The following ADAMTS18 variants were observed in gnomAD, a reference collection of about 807,000 sequenced individuals.
ADAMTS18 encodes the protein ADAM metallopeptidase with thrombospondin type 1 motif 18, also known as A disintegrin and metalloproteinase with thrombospondin motifs 18.
A neutral mutation model predicts 165.9 loss-of-function variants in ADAMTS18; 157 were observed. The ratio of observed to expected loss-of-function variants is 0.95; its 90% CI spans 0.83 to 1.08. ADAMTS18 has a LOEUF of 1.08. Among genes scored for constraint, ADAMTS18 ranks in the 50% least tolerant of loss-of-function variants. The pLI, the probability that ADAMTS18 is intolerant of heterozygous loss-of-function variation, is 0.00. For missense variants in ADAMTS18, 2,040 were observed against 1,534.0 expected (o/e 1.33, Z -5.51); for synonymous variants, 782 against 578.2 (o/e 1.35, Z -5.06).
intron 21 of ADAMTS18, 171 bp from the exon 22 acceptor site, chr16:77,289,582 G>C: frequency 1.4e-6 from 1 of 725,702 alleles, no homozygotes; most frequent in Non-Finnish European, 2.3e-6. Flanking sequence ...TAACAAGTGT[G>C]ATCCCTTTGA....
chr16:77,353,177 C>A (rs1489677277), intron 10 of ADAMTS18, among the ~76,000 whole-genome samples: 1 of 152,178 alleles, frequency 6.6e-6, no homozygotes, highest in African/African-American at 2.4e-5. Context: ...CCAAGTGTAA[C>A]AACGTGTCTC....
chr16:77,412,196 T>G (rs1490293667), intron 3 of ADAMTS18, among the ~76,000 whole-genome samples: 4 of 152,208 alleles, frequency 2.6e-5, no homozygotes, highest in Non-Finnish European at 1.5e-5. Flanking sequence ...TGAGCTGGGA[T>G]ATGCATCTTC....
At position 77,366,323 on chromosome 16, in the gene ADAMTS18, C is replaced by G. The variant is rs8045315; in HGVS notation, c.778+1118G>C. Among the ~76,000 whole-genome samples the G allele has an allele frequency of 9.7e-3, 1,481 of 152,208 alleles. 18 individuals are homozygous for G. The highest frequency in any genetic ancestry group is 0.034 in the African/African-American group (1,396 of 41,538). On this transcript the variant is annotated intron_variant, in intron 4 of 22. Coordinates refer to ENST00000282849, the MANE Select transcript of ADAMTS18 (RefSeq NM_199355.4). Reference sequence around the variant, plus strand: ...CCTTTAATGCTAACAATTGGGAGACCGAGGCGGGTGGATCACCTGAGGTCA... The same window carrying G: ...CCTTTAATGCTAACAATTGGGAGACGGAGGCGGGTGGATCACCTGAGGTCA...
Position 77,366,990 on chromosome 16 carries a change from A to G in ADAMTS18, c.778+451T>C, listed in dbSNP as rs2056804627. Among the ~76,000 whole-genome samples the G allele has an allele frequency of 3.9e-5, 6 of 152,194 alleles. No homozygotes were observed. The South Asian group carries it at 1.2e-3, about 31-fold the overall frequency. On this transcript the variant is annotated intron_variant, in intron 4 of 22. Transcript: ENST00000282849. ...ACATCGCTGGTCTGGAAACGGCCGA[A>G]GGTTGTAACTAAGTCACAAACCATG...
chr16:77,348,375 C>G lies in ADAMTS18; in HGVS notation c.1614+5358G>C, dbSNP rs151111015. Among the ~76,000 whole-genome samples, 30 of 152,320 alleles carry G rather than the reference C, an allele frequency of 2.0e-4. No individual in the cohort carries two copies. The East Asian group carries it at 5.6e-3, about 28-fold the overall frequency. ...CTCCACTGCATTAGACCAACTATCC[C>G]TTCACACTTGCAGGTAGAGGAGGCA... On this transcript the variant is annotated intron_variant, in intron 10 of 22. Coordinates refer to ENST00000282849, the MANE Select transcript of ADAMTS18 (RefSeq NM_199355.4).
At chr16:77,368,268 C>T (rs2056827466) in intron 3 of ADAMTS18, among the ~76,000 whole-genome samples, 1 of 152,126 alleles carries the variant, frequency 6.6e-6, no homozygotes, top group African/African-American at 2.4e-5. Flanking sequence ...GGGCTCACAA[C>T]CACTGGGCTG....
intron 12 of ADAMTS18, among the ~76,000 whole-genome samples, chr16:77,327,633 G>A (rs1286474507): frequency 6.6e-6 from 1 of 152,152 alleles, no homozygotes; most frequent in Non-Finnish European, 1.5e-5. Context: ...CTAACTGAAG[G>A]GATATTCCTG....
intron 16 of ADAMTS18, among the ~76,000 whole-genome samples, chr16:77,308,012 C>T (rs955251171): frequency 6.6e-6 from 1 of 152,100 alleles, no homozygotes; most frequent in Non-Finnish European, 1.5e-5. Context: ...TTAGATGTCT[C>T]TTCTTGCCTT....
rs763440043 is a variant in ADAMTS18, at chr16:77,295,070, G to A, written c.2859C>T (p.Ser953=). The change falls in exon 19 of 23, where the codon AGC becomes AGT. Residue 953 remains serine, a synonymous_variant. Coordinates refer to ENST00000282849, the MANE Select transcript of ADAMTS18 (RefSeq NM_199355.4). ...TCTTTTGCACACACTGGATCTTTCG[G>A]CTCTGCTGGCCTCCAGCACAGGCCT... is the stretch of plus-strand genomic sequence containing the variant. ...CSKACAGGQQ[S]RKIQCVQKKP... is the part of the protein sequence containing the mutation. The A allele has an allele frequency of 1.9e-6, 3 of 1,614,112 alleles. No individual in the cohort carries two copies. The highest frequency in any genetic ancestry group is 1.1e-5 in the South Asian group (1 of 91,090).
chr16:77,284,100 T>G (rs778963753), intron 22 of ADAMTS18, 29 bp from the exon 23 acceptor site: 1 of 1,467,772 alleles, frequency 6.8e-7, no homozygotes, highest in Non-Finnish European at 9.5e-7. Flanking sequence ...TTTAGCATGT[T>G]GGCTAGGGTG....
chr16:77,378,946 A>G (rs1567526581), intron 3 of ADAMTS18: 1 of 152,212 alleles, frequency 6.6e-6, no homozygotes, highest in Non-Finnish European at 1.5e-5. Flanking sequence ...TTTATTGAGA[A>G]AAACAATGAA....
intron 21 of ADAMTS18, among the ~76,000 whole-genome samples, chr16:77,290,261 C>A (rs531336518): frequency 3.3e-5 from 5 of 152,270 alleles, no homozygotes; most frequent in African/African-American, 1.2e-4. Flanking sequence ...GTTGCAAGTA[C>A]TCCTCACTGC....
chr16:77,425,241 T>G (rs2057656442), intron 3 of ADAMTS18, among the ~76,000 whole-genome samples: 1 of 152,108 alleles, frequency 6.6e-6, no homozygotes, highest in African/African-American at 2.4e-5. Context: ...GAAACGCCAC[T>G]TACGGTTTAA....
intron 3 of ADAMTS18, among the ~76,000 whole-genome samples, chr16:77,389,747 G>C (rs1407463343): frequency 6.6e-6 from 1 of 152,172 alleles, no homozygotes; most frequent in East Asian, 1.9e-4. Flanking sequence ...AGAGAATGGG[G>C]GAAGGAACTC....
At position 77,290,808 on chromosome 16, in the gene ADAMTS18, C is replaced by G. The variant is rs1316420171; in HGVS notation, c.3402+458G>C. 1.6e-5 allele frequency: 3 copies of G among 185,248 alleles called. No individual in the cohort carries two copies. In the Admixed American group the frequency reaches 1.6e-4, roughly 10 times the overall value. The allele number at this position is 185,248 out of a possible 1,614,324, so 11.5% of individuals were successfully genotyped here. A position where few individuals can be genotyped will look rare whatever the true frequency, so the allele number is the denominator to read the frequency against. On this transcript the variant is annotated intron_variant, in intron 21 of 22. Coordinates refer to ENST00000282849, the MANE Select transcript of ADAMTS18 (RefSeq NM_199355.4). ...GACATTCTGAGCTTTAGGGACCATA[C>G]TACCCCTGAATAGGAGTACTTAGCA... is the stretch of plus-strand genomic sequence containing the variant.
chr16:77,284,254 T>G (rs1056936036), intron 22 of ADAMTS18, among the ~76,000 whole-genome samples, 183 bp from the exon 23 acceptor site: 8 of 151,870 alleles, frequency 5.3e-5, no homozygotes, highest in African/African-American at 9.7e-5. Context: ...GCTTCCCAAG[T>G]AGCAGGGACT....
chr16:77,414,443 T>A (rs972500241), intron 3 of ADAMTS18, among the ~76,000 whole-genome samples: 2 of 152,262 alleles, frequency 1.3e-5, no homozygotes, highest in African/African-American at 4.8e-5. Flanking sequence ...TTTTTGCCGA[T>A]TATTATTTTG....
chr16:77,382,740 C>G (rs1040320514), intron 3 of ADAMTS18, among the ~76,000 whole-genome samples: 1 of 152,176 alleles, frequency 6.6e-6, no homozygotes, highest in East Asian at 1.9e-4. Context: ...CTGTGAATGA[C>G]CAAGACGACA....
intron 3 of ADAMTS18, among the ~76,000 whole-genome samples, chr16:77,425,402 T>C (rs2057658862): frequency 6.6e-6 from 1 of 152,172 alleles, no homozygotes; most frequent in Non-Finnish European, 1.5e-5. Context: ...TAAGGCTGGA[T>C]GGTAATCAGA....
Sources: allele counts gnomAD v4.1 joint callset (sites outside exome capture counted in the v4.1 genomes callset), GRCh38; gene constraint gnomAD v4.1.1; transcripts MANE v1.5; gene names NCBI Gene and HGNC (gene_info 2026-07-23, HGNC 2026-07-21).